CCSER1: variants seen among roughly 807,000 people sequenced by gnomAD.
CCSER1 encodes serine-rich coiled-coil domain-containing protein 1.
CCSER1 carries 41 observed loss-of-function variants against 82.0 expected under a neutral mutation model. That is an observed-to-expected ratio of 0.50 (90% CI 0.39 to 0.65). CCSER1 has a LOEUF of 0.65. Among genes scored for constraint, CCSER1 ranks in the 30% least tolerant of loss-of-function variants. The probability of loss-of-function intolerance (pLI) is 0.00; values close to 1 mark genes in which losing one functional copy is unlikely to be tolerated. For synonymous variants in CCSER1, 414 were observed against 383.9 expected (o/e 1.08, Z -0.92); for missense variants, 1,119 against 1,064.2 (o/e 1.05, Z -0.72).
At chr4:91,399,273 G>C (rs1307448520) in intron 10 of CCSER1, among the ~76,000 whole-genome samples, 1 of 151,738 alleles carries the variant, frequency 6.6e-6, no homozygotes, top group African/African-American at 2.4e-5. Flanking sequence ...CTCTAGTCTT[G>C]ACTTTTCCCT....
At position 90,296,382 on chromosome 4, in the gene CCSER1, C is replaced by A. The variant is rs566251303; in HGVS notation, c.-41-11862C>A. On this transcript the variant is annotated intron_variant, in intron 1 of 10. Coordinates refer to ENST00000509176, the MANE Select transcript of CCSER1 (RefSeq NM_001145065.2). ...TGTAAATTTGTTTGAGTTGTAGATT[C>A]TGGATATTAGCCCTTTGCCAGATGA... Among the ~76,000 whole-genome samples, 11 of 152,066 alleles carry A rather than the reference C, an allele frequency of 7.2e-5. No homozygotes were observed. The South Asian group carries it at 2.3e-3, about 32-fold the overall frequency.
At chr4:91,000,652 T>G (rs969560330) in intron 9 of CCSER1, among the ~76,000 whole-genome samples, 6 of 152,168 alleles carry the variant, frequency 3.9e-5, no homozygotes, top group Non-Finnish European at 7.4e-5. Flanking sequence ...CTTGATTAGA[T>G]GTATTCCTAG....
intron 1 of CCSER1, among the ~76,000 whole-genome samples, chr4:90,135,963 A>G (rs1723625489): frequency 6.6e-6 from 1 of 152,224 alleles, no homozygotes; most frequent in Admixed American, 6.5e-5. Flanking sequence ...ATATGTGTGT[A>G]CAAATATATG....
intron 1 of CCSER1, among the ~76,000 whole-genome samples, chr4:90,133,446 T>C (rs1188590020): frequency 6.6e-6 from 1 of 152,210 alleles, no homozygotes; most frequent in Admixed American, 6.5e-5. Flanking sequence ...TCTCCTGTGA[T>C]ATTTTTGGTT....
chr4:90,869,816 T>C (rs1188310984), intron 8 of CCSER1, among the ~76,000 whole-genome samples: 2 of 151,970 alleles, frequency 1.3e-5, no homozygotes, highest in Non-Finnish European at 2.9e-5. Flanking sequence ...TTTAACAGTA[T>C]TGGGTCTTCT....
intron 4 of CCSER1, among the ~76,000 whole-genome samples, chr4:90,456,647 A>T (rs1197477176): frequency 6.6e-6 from 1 of 152,108 alleles, no homozygotes; most frequent in African/African-American, 2.4e-5. Flanking sequence ...GTGATGGGGG[A>T]TTGGCAGTGT....
At chr4:90,464,566 G>C (rs1763367331) in intron 4 of CCSER1, among the ~76,000 whole-genome samples, 1 of 152,208 alleles carries the variant, frequency 6.6e-6, no homozygotes, top group Admixed American at 6.5e-5. Flanking sequence ...AGTGACAGAA[G>C]CCTAAGACGG....
chr4:90,174,123 A>G (rs1732238592), intron 1 of CCSER1, among the ~76,000 whole-genome samples: 1 of 151,956 alleles, frequency 6.6e-6, no homozygotes, highest in Non-Finnish European at 1.5e-5. Context: ...AGAGGTGGGT[A>G]CAGAGAATGT....
intron 5 of CCSER1, among the ~76,000 whole-genome samples, chr4:90,543,751 A>C (rs1159323384): frequency 6.6e-6 from 1 of 152,226 alleles, no homozygotes; most frequent in African/African-American, 2.4e-5. Context: ...ATTTAAAGAC[A>C]GTATCATATG....
chr4:91,020,748 T>C (rs1739881799), intron 9 of CCSER1, among the ~76,000 whole-genome samples: 1 of 152,174 alleles, frequency 6.6e-6, no homozygotes, highest in Non-Finnish European at 1.5e-5. Flanking sequence ...TTTGTGTATA[T>C]ATACAAAATA....
intron 7 of CCSER1, among the ~76,000 whole-genome samples, chr4:90,796,480 C>T (rs192529125): frequency 8.6e-4 from 127 of 148,446 alleles, no homozygotes; most frequent in African/African-American, 2.6e-3. Context: ...TTCTTGTCCC[C>T]ATCTCCTTCA....
chr4:91,374,078 T>C (rs758923624), intron 10 of CCSER1, among the ~76,000 whole-genome samples: 1 of 152,014 alleles, frequency 6.6e-6, no homozygotes, highest in Non-Finnish European at 1.5e-5. Flanking sequence ...GTTCATGAGG[T>C]TTATGAAAAG....
Position 91,444,453 on chromosome 4 carries a change from T to G in CCSER1, c.2218-154119T>G, listed in dbSNP as rs566503021. Reference sequence around the variant, plus strand: ...ATCATTTTTTTTAAAGTGCCAATTCTTTTGCTTTTTTTTTGAGACAGAGTC... The same window carrying G: ...ATCATTTTTTTTAAAGTGCCAATTCGTTTGCTTTTTTTTTGAGACAGAGTC... On this transcript the variant is annotated intron_variant, in intron 10 of 10. Transcript: ENST00000509176. Among the ~76,000 whole-genome samples the G allele has an allele frequency of 2.6e-4, 14 of 53,530 alleles. No individual in the cohort carries two copies. In the East Asian group the frequency reaches 0.016, roughly 61 times the overall value. 35.1% of individuals were successfully genotyped at this position (53,530 alleles called of 152,430 possible). A position where few individuals can be genotyped will look rare whatever the true frequency, so the allele number is the denominator to read the frequency against.
intron 10 of CCSER1, among the ~76,000 whole-genome samples, chr4:91,399,874 C>T (rs1240488755): frequency 1.3e-5 from 2 of 151,866 alleles, no homozygotes; most frequent in Non-Finnish European, 2.9e-5. Flanking sequence ...TTTACCTTTC[C>T]TCTGAACGTT....
rs555812244 is a variant in CCSER1, at chr4:91,599,772, T to A, written c.*715T>A. 6.6e-6 allele frequency: 1 copy of A among 152,284 alleles called. No homozygotes were observed. Among genetic ancestry groups the A allele is most frequent in the Non-Finnish European group, 1.5e-5 (1 of 68,000 alleles). The allele number at this position is 152,284 out of a possible 1,614,324, so 9.4% of individuals were successfully genotyped here. ...TTTGAAAAATTTTGCTTTTAGTTTT[T>A]GTTATTGATGTTGAAGTACCGTGAC... On this transcript the variant is annotated 3_prime_UTR_variant, in exon 11 of 11. Coordinates refer to ENST00000509176, the MANE Select transcript of CCSER1 (RefSeq NM_001145065.2).
At chr4:90,749,613 G>A (rs1386138528) in intron 7 of CCSER1, among the ~76,000 whole-genome samples, 2 of 152,116 alleles carry the variant, frequency 1.3e-5, no homozygotes, top group African/African-American at 4.8e-5. Flanking sequence ...CATTGAATCT[G>A]TAAATTACCT....
intron 9 of CCSER1, among the ~76,000 whole-genome samples, chr4:90,972,695 C>T (rs946757227): frequency 1.3e-5 from 2 of 151,632 alleles, no homozygotes; most frequent in African/African-American, 4.8e-5. Flanking sequence ...ATAACAGGTA[C>T]AGAATACCCA....
intron 6 of CCSER1, among the ~76,000 whole-genome samples, chr4:90,704,463 C>G (rs1460230193): frequency 6.6e-6 from 1 of 152,116 alleles, no homozygotes; most frequent in Non-Finnish European, 1.5e-5. Context: ...TGAAGTTGCT[C>G]TTCTCGAGGA....
chr4:90,776,162 G>A (rs1275718051), intron 7 of CCSER1, among the ~76,000 whole-genome samples: 2 of 152,070 alleles, frequency 1.3e-5, no homozygotes, highest in African/African-American at 2.4e-5. Context: ...ATGAGGTAAT[G>A]CAATTCCTCT....
Sources: allele counts gnomAD v4.1 joint callset (sites outside exome capture counted in the v4.1 genomes callset), GRCh38; gene constraint gnomAD v4.1.1; transcripts MANE v1.5; gene names NCBI Gene and HGNC (gene_info 2026-07-23, HGNC 2026-07-21).